Variants in TBC1D1 observed in about 807,000 individuals in gnomAD.
TBC1D1 encodes the protein TBC1 (tre-2/USP6, BUB2, cdc16) domain family, member 1.
A neutral mutation model predicts 125.6 loss-of-function variants in TBC1D1; 89 were observed. That is an observed-to-expected ratio of 0.71 (90% CI 0.60 to 0.85). The LOEUF (loss-of-function observed/expected upper bound fraction) is 0.85, where lower values mean the gene tolerates loss of function less well. TBC1D1 is among the 40% of genes least tolerant of loss of function. The probability of loss-of-function intolerance (pLI) is 0.00; values close to 1 mark genes in which losing one functional copy is unlikely to be tolerated. For missense variants in TBC1D1, 1,377 were observed against 1,469.2 expected (o/e 0.94, Z 1.03); for synonymous variants, 565 against 564.1 (o/e 1.00, Z -0.02).
rs34337656 is a variant in TBC1D1 at position 37,925,681 on chromosome 4, C to CA, written c.417+23185dup. ...CTGGTGATAGAGCGAGACTCCATCT[C>CA]AAAAAAAAAAAAAAAAGAGAGAAAA... On this transcript the variant is annotated intron_variant, in intron 2 of 19. Coordinates refer to ENST00000261439, the MANE Select transcript of TBC1D1 (RefSeq NM_015173.4). Among the ~76,000 whole-genome samples the CA allele has an allele frequency of 8.5e-3, 907 of 106,396 alleles. 9 individuals carry two copies. Among genetic ancestry groups the CA allele is most frequent in the African/African-American group, 0.03 (805 of 26,538 alleles). The allele number at this position is 106,396 out of a possible 152,430, so 69.8% of individuals were successfully genotyped here.
intron 2 of TBC1D1, among the ~76,000 whole-genome samples, chr4:37,996,680 T>G (rs1737878154): frequency 6.6e-6 from 1 of 152,280 alleles, no homozygotes; most frequent in Non-Finnish European, 1.5e-5. Context: ...CTCAGAGCCC[T>G]TTCCTGTGAT....
At chr4:38,063,924 C>T (rs1227553141) in intron 12 of TBC1D1, among the ~76,000 whole-genome samples, 2 of 152,148 alleles carry the variant, frequency 1.3e-5, no homozygotes, top group Non-Finnish European at 2.9e-5. Flanking sequence ...CCCGACCCAC[C>T]GCAGTCTAAT....
intron 2 of TBC1D1, among the ~76,000 whole-genome samples, chr4:38,012,475 A>G (rs1268097436): frequency 2.0e-5 from 3 of 152,106 alleles, no homozygotes; most frequent in Non-Finnish European, 4.4e-5. Context: ...AGGTCTCGCC[A>G]TTTTGCCCAG....
intron 2 of TBC1D1, among the ~76,000 whole-genome samples, chr4:37,903,382 G>A (rs115177782): frequency 0.026 from 3,906 of 152,256 alleles, 183 homozygotes; most frequent in African/African-American, 0.09. Context: ...AACTTTCTCA[G>A]TTGGGCTCAG....
chr4:37,997,610 A>G (rs566761250), intron 2 of TBC1D1, among the ~76,000 whole-genome samples: 2 of 152,322 alleles, frequency 1.3e-5, no homozygotes, highest in South Asian at 4.1e-4. Context: ...ACAAAAATAC[A>G]TATATATGAA....
At chr4:37,959,657 T>C (rs1330255308) in intron 2 of TBC1D1, among the ~76,000 whole-genome samples, 2 of 152,242 alleles carry the variant, frequency 1.3e-5, no homozygotes. Flanking sequence ...ATATTTATCA[T>C]TGAATTGAAA....
At chr4:38,091,894 T>A (rs528901793) in intron 13 of TBC1D1, among the ~76,000 whole-genome samples, 139 of 152,374 alleles carry the variant, frequency 9.1e-4, no homozygotes, top group Non-Finnish European at 1.5e-3. Flanking sequence ...CTTGGCAGTG[T>A]TCAGTTTTTG....
At chr4:37,921,686 C>T (rs1721031232) in intron 2 of TBC1D1, among the ~76,000 whole-genome samples, 1 of 151,960 alleles carries the variant, frequency 6.6e-6, no homozygotes, top group Non-Finnish European at 1.5e-5. Context: ...GCTGAGATTA[C>T]AGGCGTGAGC....
chr4:38,018,769 T>C (rs1342449589), intron 4 of TBC1D1, among the ~76,000 whole-genome samples: 3 of 152,198 alleles, frequency 2.0e-5, no homozygotes, highest in Non-Finnish European at 2.9e-5. Flanking sequence ...CATATATATT[T>C]ACACATTTCA....
chr4:37,952,650 G>A (rs1728135807), intron 2 of TBC1D1: 1 of 153,974 alleles, frequency 6.5e-6, no homozygotes, highest in African/African-American at 2.4e-5. Flanking sequence ...AGGGGAGGGA[G>A]AGCATTAGGA....
At chr4:38,093,276 G>A (rs73241092) in intron 13 of TBC1D1, among the ~76,000 whole-genome samples, 19,882 of 152,052 alleles carry the variant, frequency 0.13, 1,811 homozygotes, top group East Asian at 0.42. Context: ...AGTTCTTATG[G>A]TTAAGCCTGT....
intron 2 of TBC1D1, among the ~76,000 whole-genome samples, chr4:37,927,201 C>T (rs775964272): frequency 3.9e-5 from 6 of 152,220 alleles, no homozygotes; most frequent in East Asian, 3.9e-4. Context: ...CTAATAGAGG[C>T]GGGAAGAGAT....
intron 2 of TBC1D1, among the ~76,000 whole-genome samples, chr4:37,920,856 A>G (rs1446982134): frequency 6.6e-6 from 1 of 152,100 alleles, no homozygotes; most frequent in Non-Finnish European, 1.5e-5. Context: ...CACGCCTGTA[A>G]TCCCAGCACT....
At chr4:37,971,992 ATTTGACC>A in intron 2 of TBC1D1, among the ~76,000 whole-genome samples, 1 of 152,158 alleles carries the variant, frequency 6.6e-6, no homozygotes, top group Non-Finnish European at 1.5e-5. Flanking sequence ...GTCTCTGAGA[ATTTGACC>A]TTTGCTCCAA....
intron 2 of TBC1D1, among the ~76,000 whole-genome samples, chr4:37,935,768 C>T (rs540227640): frequency 1.3e-5 from 2 of 152,278 alleles, no homozygotes; most frequent in African/African-American, 4.8e-5. Context: ...TAAGAGTCTC[C>T]GTTTCCCCTC....
At chr4:38,012,995 ATG>A (rs1741845693) in intron 2 of TBC1D1, among the ~76,000 whole-genome samples, 1 of 151,786 alleles carries the variant, frequency 6.6e-6, no homozygotes, top group Admixed American at 6.6e-5. Flanking sequence ...GGGTTTCACT[ATG>A]TTGGCCAGGC....
At chr4:37,942,678 A>G (rs1482201890) in intron 2 of TBC1D1, among the ~76,000 whole-genome samples, 1 of 151,918 alleles carries the variant, frequency 6.6e-6, no homozygotes, top group African/African-American at 2.4e-5. Flanking sequence ...AGCTGGAACT[A>G]CAGGTGCCCA....
At chr4:38,028,711 T>A (rs1745555594) in intron 7 of TBC1D1, among the ~76,000 whole-genome samples, 1 of 152,200 alleles carries the variant, frequency 6.6e-6, no homozygotes, top group Non-Finnish European at 1.5e-5. Context: ...CGCCTCAGGC[T>A]GGGAGACAGA....
intron 14 of TBC1D1, among the ~76,000 whole-genome samples, chr4:38,098,052 G>A (rs1341100897): frequency 5.3e-5 from 8 of 152,196 alleles, no homozygotes; most frequent in South Asian, 2.1e-4. Context: ...CTCAGAACAC[G>A]TATGCAGTGG....
Sources: allele counts gnomAD v4.1 joint callset (sites outside exome capture counted in the v4.1 genomes callset), GRCh38; gene constraint gnomAD v4.1.1; transcripts MANE v1.5; gene names NCBI Gene and HGNC (gene_info 2026-07-23, HGNC 2026-07-21).